The following CSGALNACT1 variants were observed in gnomAD, a reference collection of about 807,000 sequenced individuals.
The protein encoded by CSGALNACT1 is chondroitin sulfate N-acetylgalactosaminyltransferase 1, also known as beta4GalNAcT-1.
Under a neutral mutation model 51.0 loss-of-function variants are expected in CSGALNACT1, and 52 were observed. The ratio of observed to expected loss-of-function variants is 1.02; its 90% confidence interval spans 0.82 to 1.29. The LOEUF is 1.29. CSGALNACT1 is among the 50% of genes most tolerant of loss of function. The probability of loss-of-function intolerance (pLI) is 0.00; values close to 1 mark genes in which losing one functional copy is unlikely to be tolerated. For synonymous variants in CSGALNACT1, 341 were observed against 254.4 expected, an observed-to-expected ratio of 1.34 and a Z score of -3.24; for missense variants, 935 against 679.2, an observed-to-expected ratio of 1.38 and a Z score of -4.19.
intron 1 of CSGALNACT1, among the ~76,000 whole-genome samples, chr8:19,667,236 C>A (rs778657390): frequency 1.5e-4 from 20 of 135,252 alleles, no homozygotes; most frequent in Non-Finnish European, 2.9e-4. Flanking sequence ...GCCTGCCAAA[C>A]ATGGCGAAAC....
intron 1 of CSGALNACT1, among the ~76,000 whole-genome samples, chr8:19,676,782 C>T (rs1365980806): frequency 2.6e-5 from 4 of 152,134 alleles, no homozygotes; most frequent in Non-Finnish European, 5.9e-5. Context: ...AACCATCAAC[C>T]CAGACAGGAT....
At chr8:19,434,707 C>T (rs2060119995) in intron 6 of CSGALNACT1, among the ~76,000 whole-genome samples, 1 of 152,108 alleles carries the variant, frequency 6.6e-6, no homozygotes, top group Admixed American at 6.6e-5. Context: ...GAGATACTGC[C>T]TTCATCTGCA....
chr8:19,656,939 G>T (rs1476431355), intron 1 of CSGALNACT1, among the ~76,000 whole-genome samples: 1 of 151,818 alleles, frequency 6.6e-6, no homozygotes, highest in African/African-American at 2.4e-5. Context: ...GGTGGCACAT[G>T]CCTGTAGTCC....
At chr8:19,445,713 C>T (rs1434102784) in intron 5 of CSGALNACT1, among the ~76,000 whole-genome samples, 1 of 152,192 alleles carries the variant, frequency 6.6e-6, no homozygotes, top group African/African-American at 2.4e-5. Flanking sequence ...AAGTACTTTA[C>T]AAGAATATGA....
intron 1 of CSGALNACT1, among the ~76,000 whole-genome samples, chr8:19,666,888 AGAGAGGAAGT>A (rs2059296697): frequency 7.1e-6 from 1 of 139,980 alleles, no homozygotes. Flanking sequence ...AAAGAAAGAG[AGAGAGGAAGT>A]GAGGAAGGGA....
At chr8:19,489,472 G>T (rs1237091658) in intron 4 of CSGALNACT1, among the ~76,000 whole-genome samples, 1 of 152,050 alleles carries the variant, frequency 6.6e-6, no homozygotes, top group Admixed American at 6.5e-5. Flanking sequence ...TCCTTCTGAG[G>T]CCAATCCCTC....
intron 1 of CSGALNACT1, among the ~76,000 whole-genome samples, chr8:19,711,953 G>A (rs1397788294): frequency 1.3e-5 from 2 of 152,186 alleles, no homozygotes; most frequent in Non-Finnish European, 2.9e-5. Flanking sequence ...AAACCCATTG[G>A]ACAGATGTGG....
chr8:19,528,573 T>C (rs569950092), intron 3 of CSGALNACT1, among the ~76,000 whole-genome samples: 21 of 146,888 alleles, frequency 1.4e-4, no homozygotes, highest in Middle Eastern at 3.6e-3. Context: ...TTTACTGAGA[T>C]ACCTTATGTG....
chr8:19,464,271 C>T (rs1041698986), intron 4 of CSGALNACT1, among the ~76,000 whole-genome samples: 26 of 152,278 alleles, frequency 1.7e-4, no homozygotes, highest in African/African-American at 6.3e-4. Flanking sequence ...ACATCCTGGC[C>T]TCTGGGGCCC....
chr8:19,691,612 T>A (rs143916248), intron 1 of CSGALNACT1, among the ~76,000 whole-genome samples: 1 of 152,256 alleles, frequency 6.6e-6, no homozygotes, highest in Non-Finnish European at 1.5e-5. Context: ...TGACTTTCAT[T>A]CACAGACGGC....
rs57783968 is a variant in CSGALNACT1, at chr8:19,677,993, A to G, written c.-544+4480T>C. On this transcript the variant is annotated intron_variant, in intron 1 of 9. Transcript: ENST00000332246. ...TAGCTGGATGTGGTGGTGGGCACCT[A>G]TAATCCCAGCTACTTGGGAGGCTGA... Among the ~76,000 whole-genome samples, 934 of 152,170 alleles carry G rather than the reference A, an allele frequency of 6.1e-3. 14 individuals are homozygous for G. The highest frequency in any genetic ancestry group is 0.021 in the African/African-American group (871 of 41,522).
chr8:19,453,159 G>A (rs28517653), intron 5 of CSGALNACT1, among the ~76,000 whole-genome samples: 10,461 of 152,162 alleles, frequency 0.069, 406 homozygotes, highest in South Asian at 0.12. Flanking sequence ...GAAAAAATGG[G>A]TCTGAAAGAA....
intron 1 of CSGALNACT1, among the ~76,000 whole-genome samples, chr8:19,698,612 T>A (rs571824189): frequency 6.6e-6 from 1 of 152,286 alleles, no homozygotes; most frequent in African/African-American, 2.4e-5. Context: ...GCTTTAAAAC[T>A]TACCTATGTA....
rs553887911 is a variant in CSGALNACT1, at chr8:19,483,707, A to G, written c.634+21494T>C. Among the ~76,000 whole-genome samples, 3 of 152,300 alleles carry G rather than the reference A, an allele frequency of 2.0e-5. No individual in the cohort carries two copies. In the East Asian group the frequency reaches 5.8e-4, roughly 29 times the overall value. On this transcript the variant is annotated intron_variant, in intron 4 of 9. Transcript: ENST00000454498. ...CCATACCTTATCACCATCACTGATC[A>G]TCTGTTTACTCATCTGTGCAGCCCA...
chr8:19,541,992 TG>T (rs1231544211), intron 3 of CSGALNACT1, among the ~76,000 whole-genome samples: 5 of 152,150 alleles, frequency 3.3e-5, no homozygotes, highest in Non-Finnish European at 5.9e-5. Context: ...GGAGGCAAGA[TG>T]TGTTTACACA....
exon 10 of CSGALNACT1, chr8:19,406,027 A>G (rs1419771624): frequency 6.2e-7 from 1 of 1,614,096 alleles, no homozygotes; most frequent in Non-Finnish European, 8.5e-7. Flanking sequence ...ATAAAGGTGC[A>G]CATCCTCTCC....
chr8:19,675,329 C>T (rs140375028), intron 1 of CSGALNACT1, among the ~76,000 whole-genome samples: 155 of 152,346 alleles, frequency 1.0e-3, no homozygotes, highest in African/African-American at 3.7e-3. Flanking sequence ...CCTGCTCCTA[C>T]TTCTCTAACG....
intron 3 of CSGALNACT1, among the ~76,000 whole-genome samples, chr8:19,544,403 C>A (rs917080705): frequency 6.6e-6 from 1 of 152,174 alleles, no homozygotes; most frequent in Admixed American, 6.5e-5. Context: ...AAATACTGAA[C>A]ATACTAAACA....
intron 5 of CSGALNACT1, among the ~76,000 whole-genome samples, chr8:19,440,905 G>T (rs545826580): frequency 8.5e-5 from 13 of 152,208 alleles, no homozygotes; most frequent in Admixed American, 5.9e-4. Context: ...AAAATCACAA[G>T]CATTCTTATA....
Sources: allele counts gnomAD v4.1 joint callset (sites outside exome capture counted in the v4.1 genomes callset), GRCh38; gene constraint gnomAD v4.1.1; transcripts MANE v1.5; gene names NCBI Gene and HGNC (gene_info 2026-07-23, HGNC 2026-07-21).